Variants in CAMK1G observed in about 807,000 individuals in gnomAD.
CAMK1G encodes the protein calcium/calmodulin-dependent protein kinase type 1G.
CAMK1G carries 27 observed loss-of-function variants against 54.8 expected under a neutral mutation model. The ratio of observed to expected loss-of-function variants is 0.49; its 90% CI spans 0.36 to 0.68. CAMK1G has a LOEUF of 0.68. Among genes scored for constraint, CAMK1G ranks in the 30% least tolerant of loss-of-function variants. The probability of loss-of-function intolerance (pLI) is 0.00; values close to 1 mark genes in which losing one functional copy is unlikely to be tolerated. For missense variants in CAMK1G, 512 were observed against 591.0 expected (o/e 0.87, Z 1.39); for synonymous variants, 238 against 224.9 (o/e 1.06, Z -0.52).
At chr1:209,600,627 G>A (rs2076229) in intron 3 of CAMK1G, among the ~76,000 whole-genome samples, 38,718 of 152,200 alleles carry the variant, frequency 0.25, 6,060 homozygotes, top group Non-Finnish European at 0.34. Context: ...CCACAAGGAT[G>A]AGGCAGACAA....
At chr1:209,596,354 C>T (rs1265029512) in intron 2 of CAMK1G, among the ~76,000 whole-genome samples, 1 of 152,048 alleles carries the variant, frequency 6.6e-6, no homozygotes, top group African/African-American at 2.4e-5. Context: ...TCCCAAAAAT[C>T]CAGAGGAGAG....
chr1:209,604,997 C>T (rs1280969622), intron 4 of CAMK1G, among the ~76,000 whole-genome samples: 1 of 152,172 alleles, frequency 6.6e-6, no homozygotes, highest in African/African-American at 2.4e-5. Flanking sequence ...TTAAGCTCCC[C>T]TGGGTCCTAA....
intron 1 of CAMK1G, among the ~76,000 whole-genome samples, chr1:209,584,465 C>T (rs1042308070): frequency 2.0e-5 from 3 of 152,262 alleles, no homozygotes; most frequent in South Asian, 2.1e-4. Context: ...CCCAGGGGCG[C>T]GTCTACCTCC....
chr1:209,592,145 G>A (rs1044867333), intron 1 of CAMK1G, among the ~76,000 whole-genome samples: 8 of 151,902 alleles, frequency 5.3e-5, no homozygotes, highest in Non-Finnish European at 1.0e-4. Flanking sequence ...CCAGGAGTTC[G>A]AGACCAGCCT....
chr1:209,612,879 C>T lies in CAMK1G; in HGVS notation c.*4C>T, dbSNP rs1302917464. Reference sequence around the variant, plus strand: ...TGGAGTCTGTCTCATTATGTGATTCCTGGAGCCTGTGCCTATGTCACTGCA... The same window carrying T: ...TGGAGTCTGTCTCATTATGTGATTCTTGGAGCCTGTGCCTATGTCACTGCA... On this transcript the variant is annotated 3_prime_UTR_variant, in exon 12 of 13. Transcript: ENST00000361322. The T allele has an allele frequency of 6.3e-7, 1 of 1,597,092 alleles. No individual in the cohort carries two copies. Among genetic ancestry groups the T allele is most frequent in the South Asian group, 1.1e-5 (1 of 90,728 alleles).
intron 6 of CAMK1G, 133 bp from the exon 7 acceptor site, chr1:209,607,725 G>A (rs1218355660): frequency 1.3e-5 from 9 of 679,092 alleles, no homozygotes; most frequent in East Asian, 7.8e-5. Context: ...CCCTTAGGGA[G>A]TTTTCAGTCT....
In CAMK1G at chr1:209,609,919, A is replaced by G; in HGVS notation, c.817A>G (p.Ser273Gly). 1 of 1,614,066 alleles carries G rather than the reference A, an allele frequency of 6.2e-7. No homozygotes were observed. Among genetic ancestry groups the G allele is most frequent in the Non-Finnish European group, 8.5e-7 (1 of 1,179,934 alleles). ...NERYTCEKAL[S>G]HPWIDGNTAL... ...GCGGTACACCTGTGAGAAGGCCTTG[A>G]GTCATCCCTGGTGAGTGAGACATGG... Residue 273 changes from serine to glycine, a missense_variant, in exon 9 of 13, where the codon AGT becomes GGT. Coordinates refer to ENST00000361322, the MANE Select transcript of CAMK1G (RefSeq NM_020439.3).
At chr1:209,610,093 A>G (rs1665746542) in intron 9 of CAMK1G, among the ~76,000 whole-genome samples, 164 bp downstream of exon 9, 1 of 152,212 alleles carries the variant, frequency 6.6e-6, no homozygotes, top group Non-Finnish European at 1.5e-5. Flanking sequence ...TAGAGATTCA[A>G]ACATTATACA....
chr1:209,601,829 T>C lies in CAMK1G; in HGVS notation c.222-1385T>C, dbSNP rs192994586. On this transcript the variant is annotated intron_variant, in intron 3 of 12. Transcript: ENST00000361322. Reference sequence around the variant, plus strand: ...ATTAAGCATTATGCATTATCTCCTTTTATCCTGATACAATTCTATAAGAGA... The same window carrying C: ...ATTAAGCATTATGCATTATCTCCTTCTATCCTGATACAATTCTATAAGAGA... Among the ~76,000 whole-genome samples the C allele has an allele frequency of 2.4e-3, 365 of 152,346 alleles. 1 individual carries two copies. Among genetic ancestry groups the C allele is most frequent in the African/African-American group, 8.2e-3 (341 of 41,580 alleles).
chr1:209,611,564 TC>T lies in CAMK1G; in HGVS notation c.915+13del, dbSNP rs1366627023. On this transcript the variant is annotated intron_variant, in intron 10 of 12. Transcript: ENST00000361322. ...AGAGCAAGTGGAGGGTAAGCTGTCC[TC>T]TCCAGGGGGTGGGAAAGCTGTTCTG... The T allele has an allele frequency of 1.2e-5, 20 of 1,609,268 alleles. No individual in the cohort carries two copies. Among genetic ancestry groups the T allele is most frequent in the Non-Finnish European group, 1.6e-5 (19 of 1,175,858 alleles).
chr1:209,585,792 GC>G (rs1252558607), intron 1 of CAMK1G, among the ~76,000 whole-genome samples: 2 of 152,224 alleles, frequency 1.3e-5, no homozygotes, highest in African/African-American at 4.8e-5. Context: ...ACGAGTGCGC[GC>G]GAGTGGCGGC....
Position 209,612,121 on chromosome 1 carries a change from C to T in CAMK1G, c.1245C>T (p.Pro415=), listed in dbSNP as rs1255597993. 29 of 1,613,990 alleles carry T rather than the reference C, an allele frequency of 1.8e-5. No homozygotes were observed. The highest frequency in any genetic ancestry group is 2.4e-5 in the Non-Finnish European group (28 of 1,179,938). Residue 415 remains proline (P), a synonymous_variant, in exon 11 of 13, where the codon CCC becomes CCT. Transcript: ENST00000361322. ...PMHQGSLAAG[P]CGCCSSCLNI... is the part of the protein sequence containing the mutation. ...ATCAGGGGTCCCTGGCCGCCGGGCCCTGTGGCTGCTGCTCCAGCTGCCTGA... is the reference window on the plus strand; with the variant it reads ...ATCAGGGGTCCCTGGCCGCCGGGCCTTGTGGCTGCTGCTCCAGCTGCCTGA...
rs377294524 is a variant in CAMK1G at position 209,586,574 on chromosome 1, G to T, written c.-30+2802G>T. 8.2e-4 allele frequency among the ~76,000 whole-genome samples: 125 copies of T among 152,192 alleles called. 1 individual carries two copies. In the Middle Eastern group the frequency reaches 0.017, roughly 21 times the overall value. ...TGCTCACCCTGTTTAAGTCCTTATT[G>T]GTTTCCCTTTCTCTTTCTCCAGTGC... On this transcript the variant is annotated intron_variant, in intron 1 of 12. Coordinates refer to ENST00000361322, the MANE Select transcript of CAMK1G (RefSeq NM_020439.3).
intron 1 of CAMK1G, among the ~76,000 whole-genome samples, chr1:209,594,088 T>C (rs921637522): frequency 6.6e-6 from 1 of 152,172 alleles, no homozygotes; most frequent in Admixed American, 6.5e-5. Context: ...GTTGGCTCCT[T>C]CCCAAACTTT....
chr1:209,611,025 G>A (rs937967542), intron 9 of CAMK1G, among the ~76,000 whole-genome samples: 21 of 152,182 alleles, frequency 1.4e-4, no homozygotes, highest in African/African-American at 5.1e-4. Context: ...CCAGTGCCCT[G>A]TGATGCTGGG....
intron 8 of CAMK1G, 37 bp from the exon 9 acceptor site, chr1:209,609,814 G>A (rs765307107): frequency 2.7e-5 from 44 of 1,603,706 alleles, no homozygotes; most frequent in Admixed American, 2.3e-4. Context: ...CATGAAATCT[G>A]GTCCTTAGTC....
intron 3 of CAMK1G, among the ~76,000 whole-genome samples, chr1:209,601,749 A>G (rs947631949): frequency 7.9e-5 from 12 of 152,262 alleles, no homozygotes; most frequent in African/African-American, 2.9e-4. Flanking sequence ...TTTCTAAAAT[A>G]TCGTAAAGAA....
At chr1:209,585,272 T>C (rs547594474) in intron 1 of CAMK1G, among the ~76,000 whole-genome samples, 1 of 152,314 alleles carries the variant, frequency 6.6e-6, no homozygotes, top group South Asian at 2.1e-4. Context: ...CCAGCCTCCA[T>C]GCTGAGAAAT....
At chr1:209,596,749 A>T (rs1233602832) in intron 2 of CAMK1G, among the ~76,000 whole-genome samples, 1 of 152,022 alleles carries the variant, frequency 6.6e-6, no homozygotes, top group Non-Finnish European at 1.5e-5. Context: ...ACATGATGAC[A>T]TGTCACCTCT....
Sources: allele counts gnomAD v4.1 joint callset (sites outside exome capture counted in the v4.1 genomes callset), GRCh38; gene constraint gnomAD v4.1.1; transcripts MANE v1.5; gene names NCBI Gene and HGNC (gene_info 2026-07-23, HGNC 2026-07-21).